MAGI1: variants seen among roughly 807,000 people sequenced by gnomAD.
MAGI1 encodes membrane-associated guanylate kinase, WW and PDZ domain-containing protein 1.
A neutral mutation model predicts 139.9 loss-of-function variants in MAGI1; 58 were observed. The observed-to-expected ratio is 0.41, with a 90% confidence interval of 0.34 to 0.52. The LOEUF (loss-of-function observed/expected upper bound fraction) is 0.52. MAGI1 is among the 20% of genes least tolerant of loss of function. The pLI is 0.12. For missense variants in MAGI1, 1,874 were observed against 1,901.6 expected, an observed-to-expected ratio of 0.99 and a Z score of 0.27; for synonymous variants, 812 against 737.9, an observed-to-expected ratio of 1.10 and a Z score of -1.63.
At chr3:65,890,318 T>A (rs554082718) in intron 1 of MAGI1, among the ~76,000 whole-genome samples, 1 of 152,118 alleles carries the variant, frequency 6.6e-6, no homozygotes, top group South Asian at 2.1e-4. Context: ...TGAGCAGAGA[T>A]AGCGCCACTG....
At chr3:65,498,989 C>A in intron 2 of MAGI1, 3 of 982,752 alleles carry the variant, frequency 3.1e-6, no homozygotes, top group Non-Finnish European at 3.6e-6. Flanking sequence ...TTCTAGCACT[C>A]AAAATAAGAA....
intron 1 of MAGI1, among the ~76,000 whole-genome samples, chr3:65,739,521 G>A (rs1166811498): frequency 6.6e-6 from 1 of 152,148 alleles, no homozygotes; most frequent in Admixed American, 6.5e-5. Context: ...TGGTTCAAGA[G>A]GCCTAGCTTT....
chr3:65,971,793 T>A (rs559924613), intron 1 of MAGI1, among the ~76,000 whole-genome samples: 1 of 152,278 alleles, frequency 6.6e-6, no homozygotes, highest in African/African-American at 2.4e-5. Flanking sequence ...CCAGCTCTAC[T>A]TCTCTCCACC....
chr3:65,470,192 A>T, intron 5 of MAGI1, 91 bp downstream of exon 5: 1 of 832,722 alleles, frequency 1.2e-6, no homozygotes, highest in Non-Finnish European at 1.9e-6. Context: ...TCAATCCCTT[A>T]AATGTAATTT....
intron 1 of MAGI1, among the ~76,000 whole-genome samples, chr3:65,990,127 G>A (rs1380430128): frequency 6.6e-6 from 1 of 152,154 alleles, no homozygotes; most frequent in Non-Finnish European, 1.5e-5. Flanking sequence ...AGCAGACACA[G>A]GAGGAAGAGC....
At chr3:65,440,113 G>C in intron 8 of MAGI1, 101 bp from the exon 9 acceptor site, 1 of 1,290,704 alleles carries the variant, frequency 7.7e-7, no homozygotes, top group Non-Finnish European at 1.1e-6. Flanking sequence ...CAGAGCAGGT[G>C]GTCTGAGATG....
At chr3:65,828,492 G>T (rs947956653) in intron 1 of MAGI1, among the ~76,000 whole-genome samples, 1 of 152,172 alleles carries the variant, frequency 6.6e-6, no homozygotes, top group East Asian at 1.9e-4. Context: ...AGTAAGATGG[G>T]AGACTGAAAG....
rs72902257 is a variant in MAGI1, at chr3:65,580,351, T to C, written c.430+41621A>G. On this transcript the variant is annotated intron_variant, in intron 2 of 22. Transcript: ENST00000402939. ...TTTCTTGGCCAAGTAATCTCGCATC[T>C]TGCTTTTAATTTTAACCTTCTCTTC... 4.7e-3 allele frequency among the ~76,000 whole-genome samples: 710 copies of C among 152,090 alleles called. 3 individuals are homozygous for C. Among genetic ancestry groups the C allele is most frequent in the African/African-American group, 0.015 (634 of 41,488 alleles).
In MAGI1 at chr3:65,380,565, T is replaced by G. The variant is rs1374047729; in HGVS notation, c.2702-1011A>C. Among the ~76,000 whole-genome samples, 31 of 152,202 alleles carry G rather than the reference T, an allele frequency of 2.0e-4. 1 individual carries two copies. Among genetic ancestry groups the G allele is most frequent in the Admixed American group, 2.0e-3 (31 of 15,284 alleles). ...CATTCTGCTTTCTATCTCTATAAATTTGACTACCCTAGGTATCTCATATAA... is the reference window on the plus strand; with the variant it reads ...CATTCTGCTTTCTATCTCTATAAATGTGACTACCCTAGGTATCTCATATAA... On this transcript the variant is annotated intron_variant, in intron 16 of 22. Transcript: ENST00000402939.
At chr3:65,815,103 G>A (rs1030557034) in intron 1 of MAGI1, among the ~76,000 whole-genome samples, 3 of 152,102 alleles carry the variant, frequency 2.0e-5, no homozygotes, top group Non-Finnish European at 2.9e-5. Context: ...AGAGGGAGGC[G>A]GCAGCATTCG....
chr3:65,436,075 C>T (rs866353993), intron 10 of MAGI1, among the ~76,000 whole-genome samples: 2 of 152,014 alleles, frequency 1.3e-5, no homozygotes, highest in South Asian at 4.1e-4. Context: ...GCCATTATCA[C>T]CATTAAAAAG....
chr3:65,597,421 C>A (rs2082266377), intron 2 of MAGI1, among the ~76,000 whole-genome samples: 1 of 151,990 alleles, frequency 6.6e-6, no homozygotes, highest in South Asian at 2.1e-4. Context: ...CTCCAGCATC[C>A]CCTTCAAAAG....
intron 1 of MAGI1, among the ~76,000 whole-genome samples, chr3:65,881,238 T>C (rs1230759981): frequency 2.6e-5 from 4 of 152,174 alleles, no homozygotes; most frequent in Non-Finnish European, 5.9e-5. Context: ...TGGGACTTGT[T>C]CACTGCTAAA....
chr3:65,828,986 G>A (rs1309419907), intron 1 of MAGI1, among the ~76,000 whole-genome samples: 1 of 152,048 alleles, frequency 6.6e-6, no homozygotes. Context: ...AGGGGATCTT[G>A]GTACCACAAC....
chr3:65,375,669 G>A (rs1559506155), intron 18 of MAGI1, 76 bp downstream of exon 18: 4 of 1,243,986 alleles, frequency 3.2e-6, no homozygotes, highest in Non-Finnish European at 4.6e-6. Context: ...CAAAGAGAGA[G>A]AAAGAGAAAA....
rs554209047 is a variant in MAGI1 at position 65,714,810 on chromosome 3, C to T, written c.314-92722G>A. 5.3e-5 allele frequency among the ~76,000 whole-genome samples: 8 copies of T among 152,214 alleles called. No homozygotes were observed. In the South Asian group the frequency reaches 6.2e-4, roughly 12 times the overall value. ...ATAAAATGAACACACACACACCCCCCACAACACCAATTTAAATCATCTGAA... is the reference window on the plus strand; with the variant it reads ...ATAAAATGAACACACACACACCCCCTACAACACCAATTTAAATCATCTGAA... On this transcript the variant is annotated intron_variant, in intron 1 of 22. Coordinates refer to ENST00000402939, the MANE Select transcript of MAGI1 (RefSeq NM_001033057.2).
At chr3:65,360,153 T>C in intron 22 of MAGI1, 5 of 985,308 alleles carry the variant, frequency 5.1e-6, no homozygotes, top group Non-Finnish European at 6.0e-6. Context: ...TTGAGCTGCA[T>C]CTGAATTAAA....
rs138643191 is a variant in MAGI1 at position 65,798,815 on chromosome 3, G to A, written c.314-176727C>T. ...ATTCATAAGTTTTAAATCATGCACC[G>A]TCCTGAGTGATGTGATGAAATCTCT... is the stretch of plus-strand genomic sequence containing the variant. On this transcript the variant is annotated intron_variant, in intron 1 of 22. Transcript: ENST00000402939. 4.3e-4 allele frequency among the ~76,000 whole-genome samples: 65 copies of A among 152,158 alleles called. No individual in the cohort carries two copies. The East Asian group carries it at 9.7e-3, about 23-fold the overall frequency.
chr3:65,688,156 G>GT (rs1483856712), intron 1 of MAGI1: 19 of 760,008 alleles, frequency 2.5e-5, no homozygotes, highest in Admixed American at 7.2e-5. Flanking sequence ...GGGTCCATGG[G>GT]TATCACTGAC....
Sources: allele counts gnomAD v4.1 joint callset (sites outside exome capture counted in the v4.1 genomes callset), GRCh38; gene constraint gnomAD v4.1.1; transcripts MANE v1.5; gene names NCBI Gene and HGNC (gene_info 2026-07-23, HGNC 2026-07-21).